DMD: variants seen among roughly 807,000 people sequenced by gnomAD.
DMD encodes the protein dystrophin.
Under a neutral mutation model 330.1 loss-of-function variants are expected in DMD, and 63 were observed. The ratio of observed to expected loss-of-function variants is 0.19; its 90% CI spans 0.16 to 0.24. The LOEUF (loss-of-function observed/expected upper bound fraction) is 0.24. Among genes scored for constraint, DMD ranks in the 10% least tolerant of loss-of-function variants. The pLI is 1.00. For synonymous variants in DMD, 1,223 were observed against 959.8 expected, an observed-to-expected ratio of 1.27 and a Z score of -5.07; for missense variants, 3,344 against 2,684.1, an observed-to-expected ratio of 1.25 and a Z score of -5.43.
intron 7 of DMD, among the ~76,000 whole-genome samples, chrX:32,743,434 A>C (rs893857895): frequency 4.5e-5 from 5 of 111,279 alleles, no homozygotes; most frequent in Non-Finnish European, 9.4e-5. Context: ...GAAAATCATA[A>C]AGACAGGGTA....
intron 41 of DMD, among the ~76,000 whole-genome samples, chrX:32,340,965 A>ATTTATTAAT (rs2097738726): frequency 8.9e-6 from 1 of 112,096 alleles, no homozygotes; most frequent in African/African-American, 3.2e-5. Context: ...AAAACAGTGT[A>ATTTATTAAT]TTTATTAATT....
At chrX:32,637,182 A>G (rs1206662979) in intron 11 of DMD, among the ~76,000 whole-genome samples, 1 of 111,628 alleles carries the variant, frequency 9.0e-6, no homozygotes, top group East Asian at 2.8e-4. Context: ...TAGTAAGAAT[A>G]GGTAATGTTG....
At chrX:32,913,372 G>A (rs979373850) in intron 2 of DMD, among the ~76,000 whole-genome samples, 1 of 112,259 alleles carries the variant, frequency 8.9e-6, no homozygotes, top group Non-Finnish European at 1.9e-5. Context: ...ACATCAAACT[G>A]TGAATTTAAA....
At chrX:32,369,712 T>C (rs992926964) in intron 34 of DMD, among the ~76,000 whole-genome samples, 3 of 111,147 alleles carry the variant, frequency 2.7e-5, no homozygotes, top group African/African-American at 6.5e-5. Flanking sequence ...CAGGGACTTA[T>C]ATTCTTAAGA....
At chrX:31,749,720 C>T (rs2088301546) in intron 51 of DMD, among the ~76,000 whole-genome samples, 1 of 106,300 alleles carries the variant, frequency 9.4e-6, no homozygotes, top group East Asian at 3.1e-4. Context: ...AATCGCCACA[C>T]TGACTTCCAC....
At chrX:32,419,762 G>A (rs2098182130) in intron 29 of DMD, among the ~76,000 whole-genome samples, 1 of 111,606 alleles carries the variant, frequency 9.0e-6, no homozygotes, top group Admixed American at 9.5e-5. Flanking sequence ...TTAGGTTTTA[G>A]CAGGTTACTG....
intron 29 of DMD, chrX:32,412,237 T>G (rs765827550): frequency 9.8e-7 from 1 of 1,022,235 alleles, no homozygotes; most frequent in Non-Finnish European, 1.3e-6. Flanking sequence ...AGGTCGAATG[T>G]TCCTCCTGAT....
intron 43 of DMD, among the ~76,000 whole-genome samples, chrX:32,226,876 G>T (rs187460827): frequency 1.5e-4 from 17 of 110,505 alleles, no homozygotes; most frequent in Non-Finnish European, 2.7e-4. Context: ...ATCTACATCA[G>T]AAATCATTTT....
intron 1 of DMD, among the ~76,000 whole-genome samples, chrX:33,126,583 A>G (rs2095466577): frequency 8.9e-6 from 1 of 112,082 alleles, no homozygotes; most frequent in African/African-American, 3.2e-5. Context: ...AGATCAAAGA[A>G]AAATCAGGTC....
At chrX:32,020,842 A>T (rs1223756436) in intron 44 of DMD, among the ~76,000 whole-genome samples, 1 of 112,690 alleles carries the variant, frequency 8.9e-6, no homozygotes, top group Admixed American at 9.4e-5. Flanking sequence ...ATATATCCAA[A>T]GTTAATCAAC....
At chrX:32,447,822 C>A (rs903717844) in intron 27 of DMD, among the ~76,000 whole-genome samples, 2 of 111,558 alleles carry the variant, frequency 1.8e-5, no homozygotes, top group Non-Finnish European at 3.8e-5. Flanking sequence ...ACATGGCCAT[C>A]ATTTGAGGCA....
In DMD at chrX:32,067,196, G is replaced by A. The variant is rs757260010; in HGVS notation, c.6439-98682C>T. 5.4e-5 allele frequency among the ~76,000 whole-genome samples: 6 copies of A among 111,332 alleles called. No homozygotes were observed. The South Asian group carries it at 2.2e-3, about 41-fold the overall frequency. On this transcript the variant is annotated intron_variant, in intron 44 of 78. Transcript: ENST00000357033. ...TAGTTCAATAAATAAAGAAGTGACT[G>A]GTAACAAAAATGCAAAAGAATTCAC...
intron 29 of DMD, among the ~76,000 whole-genome samples, chrX:32,413,541 T>A (rs776029522): frequency 9.1e-6 from 1 of 109,764 alleles, no homozygotes; most frequent in Non-Finnish European, 1.9e-5. Flanking sequence ...CTAGTTAAAA[T>A]CATTACTATA....
At chrX:32,760,039 G>C (rs2072063927) in intron 7 of DMD, among the ~76,000 whole-genome samples, 1 of 111,880 alleles carries the variant, frequency 8.9e-6, no homozygotes, top group African/African-American at 3.2e-5. Flanking sequence ...AATCTGCATT[G>C]AAAAATGGAA....
chrX:32,766,868 A>T (rs1275970436), intron 7 of DMD, among the ~76,000 whole-genome samples: 2 of 111,536 alleles, frequency 1.8e-5, no homozygotes, highest in African/African-American at 6.5e-5. Context: ...ATCACTTTGT[A>T]TGCCATATAT....
chrX:33,097,176 C>T (rs2095177889), intron 1 of DMD, among the ~76,000 whole-genome samples: 1 of 110,640 alleles, frequency 9.0e-6, no homozygotes, highest in African/African-American at 3.3e-5. Context: ...CTTTTATCAC[C>T]TCAGAGATAT....
At chrX:31,347,001 C>CAAAAAAAAAAAAAA in intron 61 of DMD, among the ~76,000 whole-genome samples, 1 of 9,633 alleles carries the variant, frequency 1.0e-4, no homozygotes, top group Non-Finnish European at 1.7e-4. Flanking sequence ...GGCTCCCTCT[C>CAAAAAAAAAAAAAA]AAAAAAAAAA....
At chrX:32,710,163 G>GT (rs113728237) in intron 7 of DMD, among the ~76,000 whole-genome samples, 1,696 of 106,959 alleles carry the variant, frequency 0.016, 25 homozygotes, top group African/African-American at 0.053. Context: ...CTTTTATTAT[G>GT]TTTTTTTTTC....
At chrX:31,155,836 A>T (rs1432484874) in intron 74 of DMD, among the ~76,000 whole-genome samples, 1 of 110,247 alleles carries the variant, frequency 9.1e-6, no homozygotes, top group Non-Finnish European at 1.9e-5. Flanking sequence ...AAAATTGAAA[A>T]AAATTAGCCA....
Sources: allele counts gnomAD v4.1 joint callset (sites outside exome capture counted in the v4.1 genomes callset), GRCh38; gene constraint gnomAD v4.1.1; transcripts MANE v1.5; gene names NCBI Gene and HGNC (gene_info 2026-07-23, HGNC 2026-07-21).